CEP120: variants seen among roughly 807,000 people sequenced by gnomAD.
CEP120 encodes centrosomal protein 120, also known as centrosomal protein of 120 kDa.
In CEP120, 113 loss-of-function variants were observed where a neutral mutation model predicts 126.5. That is an observed-to-expected ratio of 0.89 (90% CI 0.77 to 1.04). The LOEUF (loss-of-function observed/expected upper bound fraction) is 1.04. Among genes scored for constraint, CEP120 ranks in the 50% least tolerant of loss-of-function variants. The probability of loss-of-function intolerance (pLI) is 0.00; values close to 1 mark genes in which losing one functional copy is unlikely to be tolerated. For missense variants in CEP120, 1,230 were observed against 1,155.7 expected (o/e 1.06, Z -0.93); for synonymous variants, 400 against 394.3 (o/e 1.01, Z -0.17).
chr5:123,379,582 C>T (rs1771500758), intron 14 of CEP120, among the ~76,000 whole-genome samples: 1 of 151,828 alleles, frequency 6.6e-6, no homozygotes, highest in Admixed American at 6.6e-5. Context: ...AATTTATTAC[C>T]AATAATGGAT....
rs556419860 is a variant in CEP120 at position 123,402,724 on chromosome 5, T to C, written c.464-3440A>G. ...CGCACCTGGCACTGTTCAATGTATA[T>C]TGATAAATATAAGCAAAATGGTGTA... On this transcript the variant is annotated intron_variant, in intron 4 of 19. Transcript: ENST00000306467. Among the ~76,000 whole-genome samples, 7 of 152,332 alleles carry C rather than the reference T, an allele frequency of 4.6e-5. No homozygotes were observed. The East Asian group carries it at 1.2e-3, about 25-fold the overall frequency.
intron 18 of CEP120, among the ~76,000 whole-genome samples, chr5:123,358,926 A>G (rs918049629): frequency 6.6e-6 from 1 of 152,016 alleles, no homozygotes; most frequent in African/African-American, 2.4e-5. Flanking sequence ...AAAAACTTAC[A>G]ACTAAACTAA....
intron 19 of CEP120, among the ~76,000 whole-genome samples, chr5:123,347,469 C>G (rs1366334): frequency 0.71 from 108,518 of 152,036 alleles, 38,860 homozygotes; most frequent in African/African-American, 0.75. Flanking sequence ...TTACATATGC[C>G]TAGTTCAAAG....
chr5:123,353,640 C>A (rs1769362411), intron 18 of CEP120, among the ~76,000 whole-genome samples: 2 of 151,706 alleles, frequency 1.3e-5, no homozygotes. Context: ...TCTTTGTGGG[C>A]AGGTTTTTTA....
chr5:123,387,953 A>T (rs1480272454), intron 9 of CEP120, among the ~76,000 whole-genome samples: 2 of 152,056 alleles, frequency 1.3e-5, no homozygotes, highest in African/African-American at 4.8e-5. Context: ...AAATGGAGGT[A>T]TTAGGAATAT....
At chr5:123,377,695 TA>T (rs1238043976) in intron 15 of CEP120, among the ~76,000 whole-genome samples, 160 bp from the exon 16 acceptor site, 1 of 152,166 alleles carries the variant, frequency 6.6e-6, no homozygotes, top group African/African-American at 2.4e-5. Flanking sequence ...AGTGTACCAT[TA>T]TAAGTTTTCA....
At chr5:123,412,264 T>G in intron 4 of CEP120, 135 bp downstream of exon 4, 1 of 720,978 alleles carries the variant, frequency 1.4e-6, no homozygotes, top group Non-Finnish European at 2.1e-6. Flanking sequence ...GTGCTGCATG[T>G]GTAACAATGT....
At chr5:123,408,386 A>G (rs1281853204) in intron 4 of CEP120, among the ~76,000 whole-genome samples, 3 of 149,788 alleles carry the variant, frequency 2.0e-5, no homozygotes, top group Admixed American at 6.7e-5. Flanking sequence ...CTCAATAAGA[A>G]AAAAAAAAAA....
chr5:123,375,415 T>C (rs1237400370), intron 16 of CEP120, among the ~76,000 whole-genome samples: 1 of 152,064 alleles, frequency 6.6e-6, no homozygotes, highest in Non-Finnish European at 1.5e-5. Flanking sequence ...CTTGACCTCC[T>C]GGGCTCAAGT....
intron 2 of CEP120, among the ~76,000 whole-genome samples, chr5:123,416,589 A>G (rs908891414): frequency 6.7e-6 from 1 of 148,542 alleles, no homozygotes; most frequent in South Asian, 2.1e-4. Context: ...AAATAAAAAT[A>G]AAAATAAAAA....
At chr5:123,415,736 T>G (rs1774338831) in intron 3 of CEP120, among the ~76,000 whole-genome samples, 1 of 152,052 alleles carries the variant, frequency 6.6e-6, no homozygotes, top group Admixed American at 6.6e-5. Context: ...CCAGGCGTGG[T>G]GGTGAGTGCC....
chr5:123,407,082 C>T (rs1773732683), intron 4 of CEP120, among the ~76,000 whole-genome samples: 1 of 145,136 alleles, frequency 6.9e-6, no homozygotes, highest in African/African-American at 2.5e-5. Flanking sequence ...ATAGTGCAAA[C>T]TCTAGGGCAA....
chr5:123,378,538 A>G (rs1771425245), intron 14 of CEP120, 110 bp from the exon 15 acceptor site: 1 of 546,062 alleles, frequency 1.8e-6, no homozygotes, highest in South Asian at 3.9e-5. Context: ...GGACCTAAGA[A>G]TAGGAAAGTC....
intron 17 of CEP120, among the ~76,000 whole-genome samples, chr5:123,370,694 T>TATATAC (rs1224353279): frequency 7.4e-5 from 11 of 148,258 alleles, no homozygotes; most frequent in Non-Finnish European, 1.3e-4. Context: ...TGTATATATA[T>TATATAC]ATACACATAT....
intron 17 of CEP120, among the ~76,000 whole-genome samples, chr5:123,371,789 G>C (rs1204307214): frequency 6.6e-6 from 1 of 152,114 alleles, no homozygotes; most frequent in African/African-American, 2.4e-5. Context: ...CTGGTGGCGT[G>C]TCTATGAGGG....
Position 123,382,850 on chromosome 5 carries a change from G to A in CEP120, c.1900C>T (p.Pro634Ser), listed in dbSNP as rs748599073. 3 of 1,613,316 alleles carry A rather than the reference G, an allele frequency of 1.9e-6. No homozygotes were observed. Among genetic ancestry groups the A allele is most frequent in the East Asian group, 4.5e-5 (2 of 44,870 alleles). Reference sequence around the variant, plus strand: ...TGGATCTCTGAAGGACAAGGTGCTGGAGGAAGAGAAGACGGCTTTTGCTGT... The same window carrying A: ...TGGATCTCTGAAGGACAAGGTGCTGAAGGAAGAGAAGACGGCTTTTGCTGT... ...AVQQKPSSLPPAPCPSEIQTE... is the reference protein window; with the variant it reads ...AVQQKPSSLPSAPCPSEIQTE... Residue 634 changes from proline to serine, a missense_variant, in exon 13 of 20, where the codon CCA (proline) becomes TCA (serine). Coordinates refer to ENST00000306467, the MANE Select transcript of CEP120 (RefSeq NM_001375405.1).
chr5:123,407,189 TACAG>T (rs1773749796), intron 4 of CEP120, among the ~76,000 whole-genome samples: 1 of 150,912 alleles, frequency 6.6e-6, no homozygotes, highest in South Asian at 2.1e-4. Context: ...GGAAAAGAGT[TACAG>T]ACAAAAACAG....
chr5:123,410,187 A>G (rs1773957452), intron 4 of CEP120, among the ~76,000 whole-genome samples: 1 of 152,170 alleles, frequency 6.6e-6, no homozygotes, highest in South Asian at 2.1e-4. Flanking sequence ...TAAAACTCTG[A>G]TAAAAGAAAT....
In CEP120 at chr5:123,363,795, T is replaced by C. The variant is rs144611430; in HGVS notation, c.2580+701A>G. Among the ~76,000 whole-genome samples, 244 of 151,638 alleles carry C rather than the reference T, an allele frequency of 1.6e-3. 1 individual carries two copies. The highest frequency in any genetic ancestry group is 5.7e-3 in the African/African-American group (238 of 41,496). ...GAAAGACCCTATGTGTGAAATTTCATTCAGAATAAAACTGACACATTAAAG... is the reference window on the plus strand; with the variant it reads ...GAAAGACCCTATGTGTGAAATTTCACTCAGAATAAAACTGACACATTAAAG... On this transcript the variant is annotated intron_variant, in intron 18 of 19. Coordinates refer to ENST00000306467, the MANE Select transcript of CEP120 (RefSeq NM_001375405.1).
Sources: allele counts gnomAD v4.1 joint callset (sites outside exome capture counted in the v4.1 genomes callset), GRCh38; gene constraint gnomAD v4.1.1; transcripts MANE v1.5; gene names NCBI Gene and HGNC (gene_info 2026-07-23, HGNC 2026-07-21).